MTR: variants seen among roughly 807,000 people sequenced by gnomAD.
The protein encoded by MTR is methionine synthase.
MTR carries 84 observed loss-of-function variants against 154.8 expected under a neutral mutation model. The observed-to-expected ratio is 0.54, with a 90% confidence interval of 0.45 to 0.65. MTR has a LOEUF of 0.65. Ranked by LOEUF, MTR falls within the 30% of genes least tolerant of loss-of-function variation. The pLI is 0.00. For missense variants in MTR, 1,275 were observed against 1,570.2 expected, an observed-to-expected ratio of 0.81 and a Z score of 3.18; for synonymous variants, 554 against 553.9, an observed-to-expected ratio of 1.00 and a Z score of 0.00.
intron 11 of MTR, among the ~76,000 whole-genome samples, chr1:236,827,656 G>A (rs1260730874): frequency 6.6e-6 from 1 of 152,170 alleles, no homozygotes; most frequent in Non-Finnish European, 1.5e-5. Flanking sequence ...CAGGAGAAGT[G>A]TCTTCACATT....
At chr1:236,796,033 CACGCAGCATAA>C (rs1375699235) in intron 1 of MTR, among the ~76,000 whole-genome samples, 1 of 152,148 alleles carries the variant, frequency 6.6e-6, no homozygotes, top group Non-Finnish European at 1.5e-5. Context: ...TTTCCAGTTC[CACGCAGCATAA>C]ACCAGCTGGG....
chr1:236,868,383 T>G (rs1331873132), intron 22 of MTR, among the ~76,000 whole-genome samples: 6 of 152,332 alleles, frequency 3.9e-5, no homozygotes, highest in Admixed American at 2.6e-4. Flanking sequence ...TGAACATAAC[T>G]TTTATATGCA....
At chr1:236,892,149 T>A (rs1042634837) in intron 29 of MTR, among the ~76,000 whole-genome samples, 1 of 152,196 alleles carries the variant, frequency 6.6e-6, no homozygotes, top group African/African-American at 2.4e-5. Context: ...AAAATTACTC[T>A]GTTTTACTGC....
chr1:236,852,685 G>A, intron 17 of MTR, 48 bp downstream of exon 17: 3 of 1,534,468 alleles, frequency 2.0e-6, no homozygotes, highest in Non-Finnish European at 2.7e-6. Flanking sequence ...TTTTAGTTGG[G>A]GCAGGGGTTT....
chr1:236,885,130 C>T lies in MTR; in HGVS notation c.2686C>T (p.Leu896=), dbSNP rs147762307. Residue 896 remains leucine, a synonymous_variant, in exon 26 of 33, where the codon CTG becomes TTG. Transcript: ENST00000366577. ...ASKSVVVCSQ[L]LDENLKDEYF... is the part of the protein sequence containing the mutation. Reference sequence around the variant, plus strand: ...TATCTTGCATTTTCAGTGTTCCCAGCTGTTAGATGAAAATCTAAAGGATGA... The same window carrying T: ...TATCTTGCATTTTCAGTGTTCCCAGTTGTTAGATGAAAATCTAAAGGATGA... 104 of 1,603,470 alleles carry T rather than the reference C, an allele frequency of 6.5e-5. 1 individual carries two copies. The East Asian group carries it at 1.3e-3, about 20-fold the overall frequency.
intron 19 of MTR, 143 bp downstream of exon 19, chr1:236,860,065 AGCT>A: frequency 3.4e-6 from 1 of 295,820 alleles, no homozygotes. Flanking sequence ...GCTGTCCCCC[AGCT>A]GCCCCCCCCC....
At chr1:236,795,971 A>G (rs1180105260) in intron 1 of MTR, among the ~76,000 whole-genome samples, 1 of 152,102 alleles carries the variant, frequency 6.6e-6, no homozygotes, top group East Asian at 1.9e-4. Context: ...ACCTGCAAAA[A>G]GCGTCCTCCC....
chr1:236,821,667 G>C (rs1222898457), intron 8 of MTR, among the ~76,000 whole-genome samples: 1 of 151,890 alleles, frequency 6.6e-6, no homozygotes, highest in Non-Finnish European at 1.5e-5. Context: ...TTTTTTCTGT[G>C]TTATTTACAA....
rs1466406743 is a variant in MTR at position 236,824,977 on chromosome 1, G to T, written c.866-361G>T. Among the ~76,000 whole-genome samples the T allele has an allele frequency of 2.0e-5, 3 of 152,070 alleles. No individual in the cohort carries two copies. In the East Asian group the frequency reaches 5.8e-4, roughly 29 times the overall value. The stretch of plus-strand genomic sequence containing the variant: ...ATGTTAGTTGCGCATTAGTTCAAAG[G>T]TTATGTAGTATTCCTTCCACCCCCA... On this transcript the variant is annotated intron_variant, in intron 9 of 32. Transcript: ENST00000366577.
intron 29 of MTR, among the ~76,000 whole-genome samples, 182 bp downstream of exon 29, chr1:236,891,511 C>G (rs554152359): frequency 6.6e-6 from 1 of 152,224 alleles, no homozygotes; most frequent in Non-Finnish European, 1.5e-5. Context: ...GGAGAGAAGG[C>G]GCCACCATGG....
At chr1:236,830,907 A>G (rs1035119324) in intron 12 of MTR, among the ~76,000 whole-genome samples, 5 of 152,212 alleles carry the variant, frequency 3.3e-5, no homozygotes, top group Non-Finnish European at 7.3e-5. Flanking sequence ...TCTCTGCCTC[A>G]TATCTGTTTC....
At chr1:236,848,001 C>G (rs543452850) in intron 15 of MTR, among the ~76,000 whole-genome samples, 1 of 152,196 alleles carries the variant, frequency 6.6e-6, no homozygotes, top group African/African-American at 2.4e-5. Flanking sequence ...TGACAAAGGC[C>G]TGTACACCAA....
At chr1:236,828,516 A>G (rs2103114627) in intron 11 of MTR, among the ~76,000 whole-genome samples, 1 of 152,312 alleles carries the variant, frequency 6.6e-6, no homozygotes, top group Middle Eastern at 3.4e-3. Context: ...GAGTAGAGCA[A>G]TTCTTACTGG....
chr1:236,834,789 G>A (rs1662809720), intron 13 of MTR, among the ~76,000 whole-genome samples: 1 of 152,146 alleles, frequency 6.6e-6, no homozygotes, highest in Admixed American at 6.5e-5. Context: ...GCATTGTTCA[G>A]AATGAGAAGT....
intron 22 of MTR, among the ~76,000 whole-genome samples, chr1:236,865,978 A>T (rs942996025): frequency 1.3e-5 from 2 of 152,212 alleles, no homozygotes; most frequent in Non-Finnish European, 2.9e-5. Context: ...GTCATGGGCA[A>T]GCACATTCAG....
chr1:236,829,056 A>G (rs1362245491), intron 11 of MTR, 133 bp from the exon 12 acceptor site: 3 of 694,024 alleles, frequency 4.3e-6, no homozygotes, highest in Non-Finnish European at 7.5e-6. Flanking sequence ...CACACTTGGA[A>G]GTAGGTATAT....
chr1:236,885,878 A>T (rs1296801939), intron 26 of MTR, among the ~76,000 whole-genome samples: 2 of 152,142 alleles, frequency 1.3e-5, no homozygotes, highest in African/African-American at 4.8e-5. Context: ...GTAGGCCAAG[A>T]CGCAGTGGTT....
intron 24 of MTR, among the ~76,000 whole-genome samples, chr1:236,875,312 A>C (rs973857134): frequency 6.6e-5 from 10 of 152,248 alleles, no homozygotes; most frequent in African/African-American, 2.4e-4. Context: ...AAGCCCATCT[A>C]GCAAGAATGA....
At chr1:236,811,623 G>C (rs1039231306) in intron 5 of MTR, 3 of 456,134 alleles carry the variant, frequency 6.6e-6, no homozygotes, top group Non-Finnish European at 1.3e-5. Flanking sequence ...CTTATGTGTT[G>C]TTGATGCTCT....
Sources: allele counts gnomAD v4.1 joint callset (sites outside exome capture counted in the v4.1 genomes callset), GRCh38; gene constraint gnomAD v4.1.1; transcripts MANE v1.5; gene names NCBI Gene and HGNC (gene_info 2026-07-23, HGNC 2026-07-21).